The following BCKDHB variants were observed in gnomAD, a reference collection of about 807,000 sequenced individuals.
BCKDHB encodes the protein branched chain keto acid dehydrogenase E1 subunit beta, also known as 2-oxoisovalerate dehydrogenase subunit beta, mitochondrial.
In BCKDHB, 41 loss-of-function variants were observed where a neutral mutation model predicts 48.5. The ratio of observed to expected loss-of-function variants is 0.85; its 90% CI spans 0.66 to 1.10. BCKDHB has a LOEUF of 1.10. Ranked by LOEUF, BCKDHB falls within the 50% of genes least tolerant of loss-of-function variation. BCKDHB has a pLI of 0.00. For synonymous variants in BCKDHB, 201 were observed against 174.8 expected (o/e 1.15, Z -1.18); for missense variants, 496 against 494.2 (o/e 1.00, Z -0.03).
chr6:80,432,632 TA>T, the BCKDHB span, among the ~76,000 whole-genome samples: 1 of 152,178 alleles, frequency 6.6e-6, no homozygotes, highest in Non-Finnish European at 1.5e-5. Context: ...CATGCTCCTT[TA>T]GCTTGGAGGA....
the BCKDHB span, among the ~76,000 whole-genome samples, chr6:80,409,316 G>T: frequency 1.3e-5 from 2 of 151,820 alleles, no homozygotes; most frequent in Non-Finnish European, 2.9e-5. Context: ...GTCAATTTTA[G>T]AATAAGTTCG....
At chr6:80,139,871 T>C (rs1288463670) in intron 3 of BCKDHB, among the ~76,000 whole-genome samples, 2 of 152,204 alleles carry the variant, frequency 1.3e-5, no homozygotes, top group Non-Finnish European at 2.9e-5. Flanking sequence ...GGGGATGGCA[T>C]TGAATCTATA....
the BCKDHB span, among the ~76,000 whole-genome samples, chr6:80,429,467 A>G: frequency 1.3e-5 from 2 of 152,226 alleles, no homozygotes; most frequent in Non-Finnish European, 2.9e-5. Context: ...TTTGGGCAGT[A>G]TGGCCATTTT....
chr6:80,459,539 C>G, the BCKDHB span, among the ~76,000 whole-genome samples: 1 of 152,090 alleles, frequency 6.6e-6, no homozygotes, highest in African/African-American at 2.4e-5. Context: ...CAAGATGAAT[C>G]TAGAGATCTG....
intron 8 of BCKDHB, among the ~76,000 whole-genome samples, chr6:80,223,950 G>A (rs2127868149): frequency 6.6e-6 from 1 of 152,314 alleles, no homozygotes; most frequent in Non-Finnish European, 1.5e-5. Flanking sequence ...AGAATAGATG[G>A]TTGGAAATGT....
chr6:80,406,028 A>T, the BCKDHB span, among the ~76,000 whole-genome samples: 4 of 150,830 alleles, frequency 2.7e-5, no homozygotes, highest in Non-Finnish European at 4.4e-5. Flanking sequence ...CCTAGTGTCC[A>T]TGTGTTCTCA....
At chr6:80,133,323 G>A (rs1759155109) in intron 3 of BCKDHB, among the ~76,000 whole-genome samples, 1 of 152,332 alleles carries the variant, frequency 6.6e-6, no homozygotes, top group Middle Eastern at 3.4e-3. Flanking sequence ...AATGCTATAA[G>A]AAAAGGAAGA....
chr6:80,393,096 C>A, the BCKDHB span, among the ~76,000 whole-genome samples: 2 of 151,994 alleles, frequency 1.3e-5, no homozygotes, highest in Admixed American at 6.6e-5. Context: ...ATTATTATAA[C>A]TAGCTAGAGT....
At chr6:80,378,693 CT>C in the BCKDHB span, among the ~76,000 whole-genome samples, 1 of 152,014 alleles carries the variant, frequency 6.6e-6, no homozygotes, top group Non-Finnish European at 1.5e-5. Flanking sequence ...TCTATTTTTA[CT>C]TCTTTGGGAT....
chr6:80,459,373 C>A, the BCKDHB span, among the ~76,000 whole-genome samples: 8 of 151,946 alleles, frequency 5.3e-5, no homozygotes, highest in Non-Finnish European at 8.8e-5. Context: ...ATAAATAAAC[C>A]AGCCACCGAA....
chr6:80,326,820 C>T (rs1468971947), intron 9 of BCKDHB, among the ~76,000 whole-genome samples: 3 of 152,020 alleles, frequency 2.0e-5, no homozygotes, highest in Non-Finnish European at 2.9e-5. Flanking sequence ...GAGCTGAGAT[C>T]GCACCACTGG....
chr6:80,409,895 T>C, the BCKDHB span, among the ~76,000 whole-genome samples: 1 of 151,994 alleles, frequency 6.6e-6, no homozygotes, highest in South Asian at 2.1e-4. Flanking sequence ...AGTCTGTATC[T>C]TTTAATTGGG....
intron 6 of BCKDHB, among the ~76,000 whole-genome samples, chr6:80,176,502 G>C (rs1337274664): frequency 6.6e-6 from 1 of 152,136 alleles, no homozygotes; most frequent in Admixed American, 6.5e-5. Flanking sequence ...GCTCACTTTA[G>C]GTAGAGACTT....
chr6:80,414,089 G>T, the BCKDHB span, among the ~76,000 whole-genome samples: 1 of 151,958 alleles, frequency 6.6e-6, no homozygotes, highest in African/African-American at 2.4e-5. Flanking sequence ...TTGGCCACAT[G>T]TATGTCTTTT....
Position 80,162,677 on chromosome 6 carries a change from C to T in BCKDHB, c.344-5001C>T, listed in dbSNP as rs535789616. Among the ~76,000 whole-genome samples the T allele has an allele frequency of 5.3e-5, 8 of 152,120 alleles. No homozygotes were observed. The East Asian group carries it at 1.4e-3, about 26-fold the overall frequency. The stretch of plus-strand genomic sequence containing the variant: ...ACAAGCCTGGCCAACATGGTGAAAC[C>T]CCATCTCTACGAAAAATACAAAAAT... On this transcript the variant is annotated intron_variant, in intron 3 of 9. Transcript: ENST00000320393.
chr6:80,161,925 T>G (rs1772336935), intron 3 of BCKDHB, among the ~76,000 whole-genome samples: 1 of 152,254 alleles, frequency 6.6e-6, no homozygotes, highest in Non-Finnish European at 1.5e-5. Flanking sequence ...TACCACCTTG[T>G]TGCTGTCTTT....
At chr6:80,428,517 A>T in the BCKDHB span, among the ~76,000 whole-genome samples, 2 of 152,140 alleles carry the variant, frequency 1.3e-5, no homozygotes, top group African/African-American at 4.8e-5. Context: ...ATTTCTCCAC[A>T]TCCTCTCCAG....
chr6:80,107,489 G>A (rs1280222502), intron 1 of BCKDHB, among the ~76,000 whole-genome samples: 33 of 116,192 alleles, frequency 2.8e-4, no homozygotes, highest in Admixed American at 8.2e-4. Flanking sequence ...ATATATACGC[G>A]CATATATATG....
the BCKDHB span, among the ~76,000 whole-genome samples, chr6:80,413,352 A>T: frequency 3.4e-3 from 516 of 152,310 alleles, 6 homozygotes; most frequent in African/African-American, 0.012. Context: ...TTATATAGGT[A>T]AACTTATGTC....
Sources: allele counts gnomAD v4.1 joint callset (sites outside exome capture counted in the v4.1 genomes callset), GRCh38; gene constraint gnomAD v4.1.1; transcripts MANE v1.5; gene names NCBI Gene and HGNC (gene_info 2026-07-23, HGNC 2026-07-21).